Variants in OPCML observed in about 807,000 individuals in gnomAD.
OPCML encodes the protein opioid binding protein/cell adhesion molecule like, also known as opioid-binding protein/cell adhesion molecule.
OPCML carries 13 observed loss-of-function variants against 37.8 expected under a neutral mutation model. That is an observed-to-expected ratio of 0.34 (90% confidence interval 0.22 to 0.55). OPCML has a LOEUF of 0.55. Ranked by LOEUF, OPCML falls within the 20% of genes least tolerant of loss-of-function variation. OPCML has a pLI of 0.91. For missense variants in OPCML, 341 were observed against 435.6 expected (o/e 0.78, Z 1.93); for synonymous variants, 176 against 168.8 (o/e 1.04, Z -0.33).
intron 2 of OPCML, among the ~76,000 whole-genome samples, chr11:132,774,849 A>G (rs1946761384): frequency 6.6e-6 from 1 of 152,194 alleles, no homozygotes; most frequent in African/African-American, 2.4e-5. Context: ...GATTAATACA[A>G]ATAGCATCAC....
intron 2 of OPCML, among the ~76,000 whole-genome samples, chr11:132,847,544 A>G (rs1941603910): frequency 6.6e-6 from 1 of 152,168 alleles, no homozygotes; most frequent in South Asian, 2.1e-4. Context: ...CTATGCATCA[A>G]TTGTTCTGCG....
intron 2 of OPCML, among the ~76,000 whole-genome samples, chr11:132,795,510 C>T (rs931965732): frequency 2.6e-5 from 4 of 152,284 alleles, no homozygotes; most frequent in Non-Finnish European, 4.4e-5. Flanking sequence ...GCACTTAAAA[C>T]GAACGAGCCA....
intron 1 of OPCML, among the ~76,000 whole-genome samples, chr11:133,504,563 G>A (rs562169604): frequency 6.6e-6 from 1 of 152,278 alleles, no homozygotes; most frequent in East Asian, 1.9e-4. Flanking sequence ...GCTGAGATCT[G>A]ATTAATTGTG....
chr11:132,466,572 A>T (rs2096120859), intron 4 of OPCML, among the ~76,000 whole-genome samples: 1 of 152,170 alleles, frequency 6.6e-6, no homozygotes, highest in Non-Finnish European at 1.5e-5. Context: ...GGAAAGAACC[A>T]GTTAATACTT....
At chr11:132,672,578 T>G (rs1942522005) in intron 2 of OPCML, among the ~76,000 whole-genome samples, 1 of 152,184 alleles carries the variant, frequency 6.6e-6, no homozygotes, top group Non-Finnish European at 1.5e-5. Context: ...ATATTTGTTA[T>G]TTTAGCGTAG....
At chr11:132,446,439 T>C (rs2096055389) in intron 4 of OPCML, among the ~76,000 whole-genome samples, 1 of 152,028 alleles carries the variant, frequency 6.6e-6, no homozygotes, top group Non-Finnish European at 1.5e-5. Flanking sequence ...ATCCATTTGA[T>C]GAGCAGAGTA....
intron 2 of OPCML, among the ~76,000 whole-genome samples, chr11:132,877,662 G>A (rs1051953833): frequency 1.8e-4 from 28 of 152,176 alleles, no homozygotes; most frequent in Non-Finnish European, 7.3e-5. Context: ...GAACGGAGAT[G>A]TGGCCACTTT....
Position 133,100,084 on chromosome 11 carries a change from C to T in OPCML, c.62-157074G>A, listed in dbSNP as rs1949063972. On this transcript the variant is annotated intron_variant, in intron 1 of 7. Transcript: ENST00000524381. ...TAATGCAAAACCAGAAAACCAAATACCATGTGCTCTCACTTATAAGTGGGA... is the reference window on the plus strand; with the variant it reads ...TAATGCAAAACCAGAAAACCAAATATCATGTGCTCTCACTTATAAGTGGGA... 2.0e-5 allele frequency among the ~76,000 whole-genome samples: 3 copies of T among 152,136 alleles called. No homozygotes were observed. The South Asian group carries it at 6.2e-4, about 32-fold the overall frequency.
At chr11:132,579,152 C>T (rs1365780161) in intron 3 of OPCML, among the ~76,000 whole-genome samples, 1 of 152,090 alleles carries the variant, frequency 6.6e-6, no homozygotes, top group African/African-American at 2.4e-5. Flanking sequence ...ACAGAGTATG[C>T]GTCATGACAT....
At chr11:133,250,922 C>A (rs1941112659) in intron 1 of OPCML, among the ~76,000 whole-genome samples, 1 of 152,050 alleles carries the variant, frequency 6.6e-6, no homozygotes, top group Non-Finnish European at 1.5e-5. Flanking sequence ...ATTTCTGCTG[C>A]ACCTGCCAGC....
At chr11:132,766,580 A>G (rs1946451585) in intron 2 of OPCML, among the ~76,000 whole-genome samples, 1 of 152,176 alleles carries the variant, frequency 6.6e-6, no homozygotes, top group South Asian at 2.1e-4. Flanking sequence ...TTATAAGGGT[A>G]CTAACCCCAT....
chr11:132,426,841 G>C (rs2095979226), intron 7 of OPCML, among the ~76,000 whole-genome samples: 1 of 152,190 alleles, frequency 6.6e-6, no homozygotes, highest in Admixed American at 6.5e-5. Flanking sequence ...CTGGCACTAA[G>C]CTTTTGCTGC....
rs550373570 is a variant in OPCML at position 133,006,169 on chromosome 11, G to A, written c.62-63159C>T. The A allele has an allele frequency of 7.2e-6, 7 of 966,548 alleles. No individual in the cohort carries two copies. The South Asian group carries it at 2.4e-4, about 33-fold the overall frequency. The allele number at this position is 966,548 out of a possible 1,614,324, so 59.9% of individuals were successfully genotyped here. ...AGAAGCTCCAACCTACTGAGGTCGA[G>A]CCTTGGGAAGTTCGCGCCATCTGTA... is the stretch of plus-strand genomic sequence containing the variant. On this transcript the variant is annotated intron_variant, in intron 1 of 7. Coordinates refer to ENST00000524381, the MANE Select transcript of OPCML (RefSeq NM_001012393.5).
intron 7 of OPCML, among the ~76,000 whole-genome samples, chr11:132,427,265 G>T (rs2095980692): frequency 6.6e-6 from 1 of 152,206 alleles, no homozygotes; most frequent in Non-Finnish European, 1.5e-5. Flanking sequence ...GATAGGTTTT[G>T]TAAGTATGAT....
At chr11:132,596,641 C>G (rs2096492959) in intron 3 of OPCML, among the ~76,000 whole-genome samples, 1 of 152,138 alleles carries the variant, frequency 6.6e-6, no homozygotes, top group African/African-American at 2.4e-5. Context: ...GTGGGGAGGA[C>G]AGTCTTTTGC....
intron 1 of OPCML, among the ~76,000 whole-genome samples, chr11:133,103,183 G>A (rs934553100): frequency 6.6e-6 from 1 of 152,092 alleles, no homozygotes; most frequent in African/African-American, 2.4e-5. Flanking sequence ...ATTTGCTTAG[G>A]CTTGTATTAA....
chr11:133,233,892 A>C (rs1024739947), intron 1 of OPCML, among the ~76,000 whole-genome samples: 4 of 152,156 alleles, frequency 2.6e-5, no homozygotes, highest in African/African-American at 9.7e-5. Context: ...TCCATGGAGC[A>C]TCCCCCACCC....
intron 1 of OPCML, among the ~76,000 whole-genome samples, chr11:133,226,455 A>C (rs1940043445): frequency 6.6e-6 from 1 of 152,190 alleles, no homozygotes; most frequent in Admixed American, 6.5e-5. Flanking sequence ...AACTCCTCCC[A>C]ACCTCTTTCT....
intron 1 of OPCML, among the ~76,000 whole-genome samples, chr11:133,203,596 C>T (rs1446932630): frequency 6.6e-6 from 1 of 152,136 alleles, no homozygotes; most frequent in Non-Finnish European, 1.5e-5. Context: ...AGATAAATTA[C>T]TAAGAAGGGT....
Sources: gnomAD v4.1 joint callset for allele counts (sites outside exome capture counted in the v4.1 genomes callset) on GRCh38, gnomAD v4.1.1 for gene constraint, MANE v1.5 for transcripts, NCBI Gene and HGNC (gene_info 2026-07-23, HGNC 2026-07-21) for gene names.